Variants in RPS6KA5 observed in about 807,000 individuals in gnomAD.
RPS6KA5 encodes the protein ribosomal protein S6 kinase A5.
Under a neutral mutation model 85.5 loss-of-function variants are expected in RPS6KA5, and 27 were observed. The observed-to-expected ratio is 0.32, with a 90% CI of 0.23 to 0.44. RPS6KA5 has a LOEUF of 0.44. RPS6KA5 is among the 20% of genes least tolerant of loss of function. The probability of loss-of-function intolerance (pLI) is 1.00; values close to 1 mark genes in which losing one functional copy is unlikely to be tolerated. For missense variants in RPS6KA5, 811 were observed against 980.9 expected, an observed-to-expected ratio of 0.83 and a Z score of 2.31; for synonymous variants, 334 against 348.2, an observed-to-expected ratio of 0.96 and a Z score of 0.46.
intron 2 of RPS6KA5, among the ~76,000 whole-genome samples, chr14:90,998,161 A>ATT (rs1455109585): frequency 1.3e-5 from 2 of 152,210 alleles, no homozygotes; most frequent in Non-Finnish European, 2.9e-5. Context: ...AGAGGCAAAT[A>ATT]TATAGATAAA....
Position 91,047,782 on chromosome 14 carries a change from T to C in RPS6KA5, c.103+12550A>G, listed in dbSNP as rs373701242. ...AGGTGACAGCAGAGATGTGTTCCTT[T>C]TGGATATTCTAGGTGAAAATCTGTT... On this transcript the variant is annotated intron_variant, in intron 1 of 16. Transcript: ENST00000614987. Among the ~76,000 whole-genome samples, 25 of 152,322 alleles carry C rather than the reference T, an allele frequency of 1.6e-4. No individual in the cohort carries two copies. The South Asian group carries it at 3.3e-3, about 20-fold the overall frequency.
At chr14:90,979,875 C>A (rs139999144) in intron 2 of RPS6KA5, among the ~76,000 whole-genome samples, 1 of 152,308 alleles carries the variant, frequency 6.6e-6, no homozygotes, top group East Asian at 1.9e-4. Flanking sequence ...AGAACTGATT[C>A]AAATGCAAGG....
In RPS6KA5 at chr14:90,871,858, G is replaced by C. The variant is rs2033132839; in HGVS notation, c.*216C>G. 2.0e-6 allele frequency: 1 copy of C among 503,982 alleles called. No homozygotes were observed. Among genetic ancestry groups the C allele is most frequent in the Admixed American group, 3.8e-5 (1 of 26,534 alleles). 31.2% of individuals were successfully genotyped at this position (503,982 alleles called of 1,614,324 possible). ...AATAGTCTTGTTGGCATCATGCTAG[G>C]TTGCTAAAAAGAGTAATATGTGCTC... On this transcript the variant is annotated 3_prime_UTR_variant, in exon 17 of 17. Coordinates refer to ENST00000614987, the MANE Select transcript of RPS6KA5 (RefSeq NM_004755.4).
intron 3 of RPS6KA5, among the ~76,000 whole-genome samples, chr14:90,968,013 G>A (rs745311613): frequency 2.0e-5 from 3 of 152,054 alleles, no homozygotes; most frequent in East Asian, 1.9e-4. Flanking sequence ...ACTTAGTGGC[G>A]TAAACACTAT....
chr14:90,939,352 T>C (rs542809936), intron 5 of RPS6KA5, among the ~76,000 whole-genome samples: 1 of 152,350 alleles, frequency 6.6e-6, no homozygotes, highest in East Asian at 1.9e-4. Flanking sequence ...CATTTTCCTG[T>C]CTTCTTCTGA....
At chr14:91,044,259 GA>G in intron 1 of RPS6KA5, among the ~76,000 whole-genome samples, 3 of 61,928 alleles carry the variant, frequency 4.8e-5, no homozygotes, top group Non-Finnish European at 1.0e-4. Context: ...GGGAGAGAGA[GA>G]GGGAGAGAGA....
chr14:90,959,348 A>G (rs1045262574), intron 3 of RPS6KA5, among the ~76,000 whole-genome samples: 2 of 152,216 alleles, frequency 1.3e-5, no homozygotes, highest in Non-Finnish European at 2.9e-5. Flanking sequence ...GTGTGATATG[A>G]CTTTCATTTT....
At chr14:91,005,538 A>G (rs1314534282) in intron 1 of RPS6KA5, among the ~76,000 whole-genome samples, 3 of 152,186 alleles carry the variant, frequency 2.0e-5, no homozygotes, top group African/African-American at 4.8e-5. Flanking sequence ...TGTCCATTAT[A>G]AAGATTTTTT....
chr14:90,953,319 T>C (rs1392732939), intron 3 of RPS6KA5, among the ~76,000 whole-genome samples: 1 of 152,226 alleles, frequency 6.6e-6, no homozygotes, highest in Non-Finnish European at 1.5e-5. Context: ...ATAATACTCT[T>C]ATAATTTCTT....
chr14:90,959,423 G>A (rs568970785), intron 3 of RPS6KA5, among the ~76,000 whole-genome samples: 2 of 152,170 alleles, frequency 1.3e-5, no homozygotes, highest in South Asian at 4.1e-4. Flanking sequence ...GAGATCACTC[G>A]CAATAATAAA....
chr14:90,996,242 G>A (rs1049973564), intron 2 of RPS6KA5, among the ~76,000 whole-genome samples: 46 of 129,910 alleles, frequency 3.5e-4, no homozygotes, highest in African/African-American at 1.2e-3. Flanking sequence ...TCGCTATGTT[G>A]CCCAGGCTAG....
intron 2 of RPS6KA5, among the ~76,000 whole-genome samples, chr14:90,992,480 A>C (rs981280661): frequency 3.3e-5 from 5 of 152,250 alleles, no homozygotes; most frequent in African/African-American, 9.6e-5. Flanking sequence ...AATGAGTCAA[A>C]GTATTCAATG....
chr14:90,993,289 A>C (rs2040382547), intron 2 of RPS6KA5, among the ~76,000 whole-genome samples: 1 of 152,198 alleles, frequency 6.6e-6, no homozygotes, highest in African/African-American at 2.4e-5. Flanking sequence ...AAAATACAAA[A>C]ATTAGCCAGC....
rs3085775 is a variant in RPS6KA5 at position 90,866,071 on chromosome 14, T to TAGTG, written c.*5999_*6002dup. ...GTCCACATGCAGATATCTTAATAAGTAGTGAAATACCAGTGTAGAAATACA... is the reference window on the plus strand; with the variant it reads ...GTCCACATGCAGATATCTTAATAAGTAGTGAGTGAAATACCAGTGTAGAAATACA... On this transcript the variant is annotated 3_prime_UTR_variant, in exon 17 of 17. Transcript: ENST00000614987. 0.43 allele frequency: 64,775 copies of TAGTG among 151,758 alleles called. 14,187 individuals carry two copies. The highest frequency in any genetic ancestry group is 0.53 in the Middle Eastern group (153 of 290). 9.4% of individuals were successfully genotyped at this position (151,758 alleles called of 1,614,324 possible).
chr14:90,940,772 T>G (rs551474995), intron 5 of RPS6KA5, among the ~76,000 whole-genome samples: 11 of 152,340 alleles, frequency 7.2e-5, no homozygotes, highest in African/African-American at 2.6e-4. Flanking sequence ...AGACAAGCAT[T>G]GCCACCTGAG....
intron 5 of RPS6KA5, among the ~76,000 whole-genome samples, chr14:90,932,271 G>A (rs1470447049): frequency 1.3e-5 from 2 of 152,048 alleles, no homozygotes; most frequent in South Asian, 2.1e-4. Context: ...ATACAGGCAC[G>A]TGCCACCATG....
chr14:91,058,172 A>G (rs2043401599), intron 1 of RPS6KA5, among the ~76,000 whole-genome samples: 1 of 152,248 alleles, frequency 6.6e-6, no homozygotes, highest in African/African-American at 2.4e-5. Context: ...ATATTTTAAC[A>G]GTGTTTTTGA....
chr14:90,981,723 C>CA (rs1487856621), intron 2 of RPS6KA5, among the ~76,000 whole-genome samples: 4 of 152,150 alleles, frequency 2.6e-5, no homozygotes, highest in Non-Finnish European at 5.9e-5. Context: ...TTATAATTGC[C>CA]ATGATTAACA....
intron 1 of RPS6KA5, among the ~76,000 whole-genome samples, chr14:91,033,747 T>C (rs1344283132): frequency 6.6e-6 from 1 of 152,226 alleles, no homozygotes; most frequent in East Asian, 1.9e-4. Context: ...TATACCTCCA[T>C]GACCACTAGA....
Sources: allele counts gnomAD v4.1 joint callset (sites outside exome capture counted in the v4.1 genomes callset), GRCh38; gene constraint gnomAD v4.1.1; transcripts MANE v1.5; gene names NCBI Gene and HGNC (gene_info 2026-07-23, HGNC 2026-07-21).